SGCD: variants seen among roughly 807,000 people sequenced by gnomAD.
SGCD encodes sarcoglycan delta.
Under a neutral mutation model 36.6 loss-of-function variants are expected in SGCD, and 18 were observed. The ratio of observed to expected loss-of-function variants is 0.49; its 90% CI spans 0.34 to 0.73. SGCD has a LOEUF of 0.73. Among genes scored for constraint, SGCD ranks in the 30% least tolerant of loss-of-function variants. The pLI, the probability that SGCD is intolerant of heterozygous loss-of-function variation, is 0.01. For synonymous variants in SGCD, 133 were observed against 130.6 expected, an observed-to-expected ratio of 1.02 and a Z score of -0.12; for missense variants, 387 against 346.7, an observed-to-expected ratio of 1.12 and a Z score of -0.92.
intron 3 of SGCD, among the ~76,000 whole-genome samples, chr5:156,460,005 G>A (rs925552375): frequency 6.6e-6 from 1 of 152,134 alleles, no homozygotes; most frequent in Non-Finnish European, 1.5e-5. Flanking sequence ...GAAAGCAAAG[G>A]CATCACTAAT....
chr5:155,918,285 G>A (rs2008129), intron 1 of SGCD, among the ~76,000 whole-genome samples: 21,428 of 152,172 alleles, frequency 0.14, 2,297 homozygotes, highest in Admixed American at 0.36. Flanking sequence ...AGTGGGTGTC[G>A]GGCACAGTGG....
chr5:156,307,555 G>GTTT (rs59481792), intron 3 of SGCD, among the ~76,000 whole-genome samples: 58 of 41,118 alleles, frequency 1.4e-3, no homozygotes, highest in Non-Finnish European at 2.3e-3. Context: ...TTTAACTGTT[G>GTTT]TTTTTTTTTT....
chr5:156,681,661 G>A (rs1385977441), intron 7 of SGCD, among the ~76,000 whole-genome samples: 1 of 152,202 alleles, frequency 6.6e-6, no homozygotes, highest in Non-Finnish European at 1.5e-5. Context: ...TGACGCTGGA[G>A]AGGAACATTA....
chr5:155,906,202 T>C (rs912520931), intron 1 of SGCD, among the ~76,000 whole-genome samples: 12 of 152,118 alleles, frequency 7.9e-5, no homozygotes, highest in African/African-American at 2.2e-4. Context: ...GAGAACTTAA[T>C]TGATGAATGT....
At chr5:156,387,447 A>ATTGCTATAT (rs1332326615) in intron 3 of SGCD, among the ~76,000 whole-genome samples, 1 of 152,190 alleles carries the variant, frequency 6.6e-6, no homozygotes, top group Non-Finnish European at 1.5e-5. Flanking sequence ...ATTGCTATAC[A>ATTGCTATAT]AATATGTCAT....
chr5:155,974,470 G>A (rs984717970), intron 1 of SGCD, among the ~76,000 whole-genome samples: 1 of 151,890 alleles, frequency 6.6e-6, no homozygotes, highest in Non-Finnish European at 1.5e-5. Flanking sequence ...TGTCCAGGAA[G>A]GGTATTCCCA....
At chr5:156,125,647 A>C (rs1762152887) in intron 3 of SGCD, among the ~76,000 whole-genome samples, 1 of 151,870 alleles carries the variant, frequency 6.6e-6, no homozygotes, top group African/African-American at 2.4e-5. Flanking sequence ...GACATCTTTA[A>C]GGAAGTTTCA....
At chr5:156,196,665 G>A (rs1764031503) in intron 3 of SGCD, among the ~76,000 whole-genome samples, 1 of 152,158 alleles carries the variant, frequency 6.6e-6, no homozygotes, top group Admixed American at 6.6e-5. Flanking sequence ...TGGATATTTG[G>A]CCTTAAGCCA....
chr5:156,228,548 A>C (rs1028824566), intron 3 of SGCD, among the ~76,000 whole-genome samples: 1 of 151,944 alleles, frequency 6.6e-6, no homozygotes, highest in Non-Finnish European at 1.5e-5. Context: ...TGTTAGGTGA[A>C]TCTCTTGAAG....
intron 3 of SGCD, among the ~76,000 whole-genome samples, chr5:156,162,718 T>C (rs1230772188): frequency 1.3e-5 from 2 of 151,722 alleles, no homozygotes; most frequent in African/African-American, 4.9e-5. Context: ...AGCTGTTTAC[T>C]GTTCCCTCAT....
chr5:155,917,250 A>G (rs1713585893), intron 1 of SGCD, among the ~76,000 whole-genome samples: 1 of 152,082 alleles, frequency 6.6e-6, no homozygotes, highest in African/African-American at 2.4e-5. Flanking sequence ...CCTAAAAGAG[A>G]TTACACTGAC....
chr5:156,232,641 G>C (rs1254302130), intron 3 of SGCD, among the ~76,000 whole-genome samples: 1 of 152,134 alleles, frequency 6.6e-6, no homozygotes, highest in African/African-American at 2.4e-5. Flanking sequence ...TTCTAGACCT[G>C]GAAGGATTTG....
Position 156,307,809 on chromosome 5 carries a change from C to T in SGCD, c.-43-21725C>T, listed in dbSNP as rs181802535. The stretch of plus-strand genomic sequence containing the variant: ...TGCTGCTTTAACAGTTCTGCCCCCA[C>T]TCTTTCAGTTGTTGATGTAACAAAA... On this transcript the variant is annotated intron_variant, in intron 3 of 9. Transcript: ENST00000517913. 1.8e-3 allele frequency among the ~76,000 whole-genome samples: 269 copies of T among 152,076 alleles called. 2 individuals are homozygous for T. The Middle Eastern group carries it at 0.041, about 23-fold the overall frequency.
At chr5:156,231,246 G>A (rs1045732021) in intron 3 of SGCD, among the ~76,000 whole-genome samples, 1 of 152,092 alleles carries the variant, frequency 6.6e-6, no homozygotes, top group Non-Finnish European at 1.5e-5. Flanking sequence ...GTTAATATTG[G>A]TGAACGTGTC....
At chr5:156,528,758 T>C (rs1047458820) in intron 4 of SGCD, among the ~76,000 whole-genome samples, 3 of 152,172 alleles carry the variant, frequency 2.0e-5, no homozygotes, top group African/African-American at 7.2e-5. Context: ...ATTCATGCCA[T>C]TCATAAGCTT....
At chr5:156,265,794 G>C in intron 3 of SGCD, among the ~76,000 whole-genome samples, 1 of 152,018 alleles carries the variant, frequency 6.6e-6, no homozygotes, top group East Asian at 1.9e-4. Flanking sequence ...GAAGTATACA[G>C]AAGAGCTGAA....
chr5:156,337,694 T>C (rs1238799117), intron 2 of SGCD, among the ~76,000 whole-genome samples: 1 of 152,224 alleles, frequency 6.6e-6, no homozygotes, highest in Non-Finnish European at 1.5e-5. Context: ...AGGGGTTTCA[T>C]TATTGTCCAT....
intron 7 of SGCD, among the ~76,000 whole-genome samples, chr5:156,686,440 G>A (rs1753907952): frequency 6.6e-6 from 1 of 152,158 alleles, no homozygotes; most frequent in Non-Finnish European, 1.5e-5. Context: ...AGCCCTGGTA[G>A]AAGCCAAGGT....
intron 3 of SGCD, among the ~76,000 whole-genome samples, chr5:156,165,505 C>T (rs1296803928): frequency 2.0e-5 from 3 of 152,106 alleles, no homozygotes; most frequent in Non-Finnish European, 4.4e-5. Flanking sequence ...CAGAGTTGTG[C>T]CAATTTTGTT....
Sources: gnomAD v4.1 joint callset for allele counts (sites outside exome capture counted in the v4.1 genomes callset) on GRCh38, gnomAD v4.1.1 for gene constraint, MANE v1.5 for transcripts, NCBI Gene and HGNC (gene_info 2026-07-23, HGNC 2026-07-21) for gene names.